Variants in PRKN observed in about 807,000 individuals in gnomAD.
PRKN encodes E3 ubiquitin-protein ligase parkin.
In PRKN, 56 loss-of-function variants were observed where a neutral mutation model predicts 59.5. The observed-to-expected ratio is 0.94, with a 90% CI of 0.76 to 1.18. The LOEUF (loss-of-function observed/expected upper bound fraction) is 1.18. PRKN is among the 50% of genes most tolerant of loss of function. The probability of loss-of-function intolerance (pLI) is 0.00; values close to 1 mark genes in which losing one functional copy is unlikely to be tolerated. For synonymous variants in PRKN, 250 were observed against 222.1 expected (o/e 1.13, Z -1.12); for missense variants, 657 against 596.4 (o/e 1.10, Z -1.06).
At chr6:162,340,319 C>A (rs1387841986) in intron 2 of PRKN, among the ~76,000 whole-genome samples, 1 of 152,056 alleles carries the variant, frequency 6.6e-6, no homozygotes, top group Non-Finnish European at 1.5e-5. Context: ...ATTTATCCAA[C>A]CTTATTCTAA....
chr6:162,088,273 G>A (rs1161330798), intron 4 of PRKN, among the ~76,000 whole-genome samples: 5 of 152,168 alleles, frequency 3.3e-5, no homozygotes, highest in Non-Finnish European at 7.3e-5. Context: ...CCAAAGGGGT[G>A]AGAGCTAGGG....
intron 3 of PRKN, among the ~76,000 whole-genome samples, chr6:162,227,139 T>A (rs77216775): frequency 6.6e-6 from 1 of 152,186 alleles, no homozygotes; most frequent in African/African-American, 2.4e-5. Context: ...GGGACTTGCA[T>A]ACAGTCTTCC....
At chr6:161,822,174 G>A (rs1368570014) in intron 6 of PRKN, among the ~76,000 whole-genome samples, 7 of 152,070 alleles carry the variant, frequency 4.6e-5, no homozygotes, top group Non-Finnish European at 7.4e-5. Context: ...TGGGACATGC[G>A]GTCATACAGG....
chr6:162,568,083 TTCTA>T (rs1780154521), intron 1 of PRKN, among the ~76,000 whole-genome samples: 1 of 152,146 alleles, frequency 6.6e-6, no homozygotes, highest in African/African-American at 2.4e-5. Flanking sequence ...GAAACTAGAC[TTCTA>T]TCTCTCACCA....
At chr6:161,677,595 C>A (rs1474276500) in intron 7 of PRKN, among the ~76,000 whole-genome samples, 1 of 152,190 alleles carries the variant, frequency 6.6e-6, no homozygotes, top group Non-Finnish European at 1.5e-5. Flanking sequence ...GTGCTCACCT[C>A]GGCAGCACAC....
intron 7 of PRKN, among the ~76,000 whole-genome samples, chr6:161,589,726 T>C (rs1322903762): frequency 3.3e-5 from 5 of 151,990 alleles, no homozygotes; most frequent in Admixed American, 2.0e-4. Context: ...CCTGTGCACA[T>C]GTTTTTTGTT....
chr6:161,844,702 A>G (rs935187939), intron 6 of PRKN, among the ~76,000 whole-genome samples: 1 of 152,244 alleles, frequency 6.6e-6, no homozygotes, highest in Admixed American at 6.5e-5. Flanking sequence ...ATTCTTGTTC[A>G]CAAGGTCAGA....
intron 7 of PRKN, among the ~76,000 whole-genome samples, chr6:161,774,211 T>C (rs1458523732): frequency 5.9e-5 from 9 of 152,114 alleles, no homozygotes; most frequent in African/African-American, 1.2e-4. Flanking sequence ...GATTGAGTGT[T>C]GTTCCTGTTG....
intron 1 of PRKN, among the ~76,000 whole-genome samples, chr6:162,701,998 CAAATT>C (rs971162507): frequency 3.3e-5 from 5 of 151,788 alleles, no homozygotes; most frequent in African/African-American, 4.8e-5. Flanking sequence ...TTTTAAAAAT[CAAATT>C]AAATCAAAAT....
chr6:162,031,559 G>A (rs1327389627), intron 5 of PRKN, among the ~76,000 whole-genome samples: 2 of 136,734 alleles, frequency 1.5e-5, no homozygotes, highest in Non-Finnish European at 3.1e-5. Flanking sequence ...TTTTGAGATA[G>A]CATTTCACTC....
chr6:162,037,748 T>C (rs1490395589), intron 5 of PRKN, among the ~76,000 whole-genome samples: 2 of 152,010 alleles, frequency 1.3e-5, no homozygotes, highest in Non-Finnish European at 2.9e-5. Context: ...GGTTTCACCA[T>C]GTTGGCCAGG....
chr6:161,785,618 T>A (rs1169714321), intron 7 of PRKN, among the ~76,000 whole-genome samples, 154 bp downstream of exon 7: 1 of 152,222 alleles, frequency 6.6e-6, no homozygotes, highest in Non-Finnish European at 1.5e-5. Flanking sequence ...ACTTTTATCT[T>A]TTGCGATCCA....
Position 161,957,528 on chromosome 6 carries a change from G to A in PRKN, c.734+15774C>T, listed in dbSNP as rs1005629364. On this transcript the variant is annotated intron_variant, in intron 6 of 11. Transcript: ENST00000366898. ...CAACCTCCACCTCCTGCGTTCAAGC[G>A]ATCCTCCTGCCTCAGCCTCCCTAGT... Among the ~76,000 whole-genome samples the A allele has an allele frequency of 1.1e-4, 16 of 150,944 alleles. No individual in the cohort carries two copies. The East Asian group carries it at 1.4e-3, about 13-fold the overall frequency.
chr6:162,047,046 T>C (rs867674003), intron 5 of PRKN, among the ~76,000 whole-genome samples: 1 of 152,172 alleles, frequency 6.6e-6, no homozygotes, highest in Non-Finnish European at 1.5e-5. Context: ...AAATTGCATG[T>C]CAGACAACAG....
intron 3 of PRKN, among the ~76,000 whole-genome samples, chr6:162,243,521 T>C (rs916219201): frequency 3.3e-5 from 5 of 152,156 alleles, no homozygotes; most frequent in Admixed American, 2.6e-4. Context: ...TATCTGTCAG[T>C]GTGAAGTATC....
At chr6:162,650,835 TATTA>T (rs1554258268) in intron 1 of PRKN, among the ~76,000 whole-genome samples, 1 of 152,146 alleles carries the variant, frequency 6.6e-6, no homozygotes, top group Non-Finnish European at 1.5e-5. Context: ...GAAGATGATC[TATTA>T]ATTCTGTGGG....
At chr6:161,403,995 C>T (rs1787158921) in intron 9 of PRKN, among the ~76,000 whole-genome samples, 1 of 152,150 alleles carries the variant, frequency 6.6e-6, no homozygotes, top group Non-Finnish European at 1.5e-5. Flanking sequence ...ATAAATTACC[C>T]AGTCTGTGGT....
chr6:162,135,967 CT>C (rs1781547731), intron 4 of PRKN, among the ~76,000 whole-genome samples: 1 of 152,008 alleles, frequency 6.6e-6, no homozygotes, highest in African/African-American at 2.4e-5. Context: ...GATGGATTTT[CT>C]CACTGAAGCC....
intron 1 of PRKN, among the ~76,000 whole-genome samples, chr6:162,625,920 G>T (rs182046138): frequency 2.6e-5 from 4 of 152,274 alleles, no homozygotes; most frequent in African/African-American, 7.2e-5. Flanking sequence ...TTGCAAGAAA[G>T]ACTTCAGTCT....
Sources: gnomAD v4.1 joint callset for allele counts (sites outside exome capture counted in the v4.1 genomes callset) on GRCh38, gnomAD v4.1.1 for gene constraint, MANE v1.5 for transcripts, NCBI Gene and HGNC (gene_info 2026-07-23, HGNC 2026-07-21) for gene names.